The following STN1 variants were observed in gnomAD, a reference collection of about 807,000 sequenced individuals.
STN1 encodes the protein CST complex subunit STN1.
A neutral mutation model predicts 45.5 loss-of-function variants in STN1; 29 were observed. The observed-to-expected ratio is 0.64, with a 90% CI of 0.47 to 0.87. STN1 has a LOEUF of 0.87. Among genes scored for constraint, STN1 ranks in the 40% least tolerant of loss-of-function variants. The pLI, the probability that STN1 is intolerant of heterozygous loss-of-function variation, is 0.00. For synonymous variants in STN1, 148 were observed against 159.0 expected, an observed-to-expected ratio of 0.93 and a Z score of 0.52; for missense variants, 376 against 441.4, an observed-to-expected ratio of 0.85 and a Z score of 1.33.
rs148742259 is a variant in STN1, at chr10:103,912,309, T to C, written c.134-1687A>G. 1.3e-3 allele frequency among the ~76,000 whole-genome samples: 195 copies of C among 152,290 alleles called. 2 individuals are homozygous for C. Among genetic ancestry groups the C allele is most frequent in the African/African-American group, 4.5e-3 (185 of 41,560 alleles). On this transcript the variant is annotated intron_variant, in intron 2 of 9. Coordinates refer to ENST00000224950, the MANE Select transcript of STN1 (RefSeq NM_024928.5). ...TTGGCCTCCCAAAGCACTAGAATTA[T>C]AGGTGTGAGCCACTGCACCCAGGCC...
At chr10:103,889,190 C>T (rs1259056620) in intron 8 of STN1, 46 bp from the exon 9 acceptor site, 1 of 1,255,226 alleles carries the variant, frequency 8.0e-7, no homozygotes, top group East Asian at 2.3e-5. Context: ...TTAGGTAACA[C>T]AGCAGTTGTG....
chr10:103,892,101 G>A, intron 8 of STN1, 29 bp downstream of exon 8: 1 of 1,541,282 alleles, frequency 6.5e-7, no homozygotes, highest in East Asian at 2.3e-5. Context: ...AAGCTACAAA[G>A]AAAAAAAGTT....
At chr10:103,915,885 G>A (rs1222980043) in intron 2 of STN1, among the ~76,000 whole-genome samples, 2 of 151,994 alleles carry the variant, frequency 1.3e-5, no homozygotes, top group Non-Finnish European at 2.9e-5. Context: ...CCTAAGGAGT[G>A]TGCAACTAGA....
rs146264905 is a variant in STN1, at chr10:103,898,998, T to C, written c.460A>G (p.Lys154Glu). ...EREIHATTYYKVDDPVWNIQI... is the reference protein window; with the variant it reads ...EREIHATTYYEVDDPVWNIQI... ...ATGTTCCACACTGGGTCGTCCACTT[T>C]ATCTAACAAGTGACCAGAAAAAAGA... The change falls in exon 6 of 10, where the codon AAA (lysine) becomes GAA (glutamate). Residue 154 changes from lysine (K) to glutamate (E), a missense_variant and splice_region_variant. Transcript: ENST00000224950. 9.3e-6 allele frequency: 15 copies of C among 1,613,826 alleles called. No homozygotes were observed. The highest frequency in any genetic ancestry group is 1.2e-5 in the Non-Finnish European group (14 of 1,179,958).
Position 103,880,603 on chromosome 10 carries a change from A to G in STN1, c.*2081T>C, listed in dbSNP as rs1589494141. Among the ~76,000 whole-genome samples the G allele has an allele frequency of 6.6e-6, 1 of 152,230 alleles. No homozygotes were observed. Among genetic ancestry groups the G allele is most frequent in the Non-Finnish European group, 1.5e-5 (1 of 68,044 alleles). On this transcript the variant is annotated 3_prime_UTR_variant, in exon 10 of 10. Coordinates refer to ENST00000224950, the MANE Select transcript of STN1 (RefSeq NM_024928.5). ...AGATGTCCATTAGAGACCTAAGTGGAGATGTCAGTAGCAAACTGAATATAG... is the reference window on the plus strand; with the variant it reads ...AGATGTCCATTAGAGACCTAAGTGGGGATGTCAGTAGCAAACTGAATATAG...
chr10:103,900,891 T>C (rs1843206059), intron 4 of STN1, among the ~76,000 whole-genome samples: 1 of 152,344 alleles, frequency 6.6e-6, no homozygotes, highest in Admixed American at 6.5e-5. Context: ...GTAAGAAGAA[T>C]CGTCACGAAT....
chr10:103,892,436 C>T (rs544527053), intron 7 of STN1, among the ~76,000 whole-genome samples, 184 bp from the exon 8 acceptor site: 11 of 151,364 alleles, frequency 7.3e-5, no homozygotes, highest in Non-Finnish European at 1.3e-4. Context: ...AAGTGTGCCC[C>T]GGCAGGTCAC....
At chr10:103,905,222 A>G in intron 3 of STN1, 66 bp from the exon 4 acceptor site, 1 of 1,351,284 alleles carries the variant, frequency 7.4e-7, no homozygotes, top group South Asian at 1.2e-5. Flanking sequence ...GCATGCTGTC[A>G]TTGCATTCAG....
At chr10:103,901,769 GA>G (rs1407323055) in intron 4 of STN1, among the ~76,000 whole-genome samples, 2 of 152,002 alleles carry the variant, frequency 1.3e-5, no homozygotes, top group Non-Finnish European at 2.9e-5. Flanking sequence ...TCTTTCTTTG[GA>G]GATTATTACT....
In STN1 at chr10:103,910,584, CT is replaced by C; in HGVS notation, c.171del (p.Asp58MetfsTer9). On this transcript the variant is annotated frameshift_variant, in exon 3 of 10. Transcript: ENST00000224950. LOFTEE classifies it high-confidence loss of function. ...FLYNGHPIKQ[V>X]DVLGTVIGVR... ...ACTCCAATGACAGTTCCCAAGACAT[CT>C]ACCTGTTTTATTGGATGTCCATTGT... 6.2e-7 allele frequency: 1 copy of C among 1,611,088 alleles called. No individual in the cohort carries two copies. Among genetic ancestry groups the C allele is most frequent in the East Asian group, 2.2e-5 (1 of 44,862 alleles).
chr10:103,909,501 T>C (rs910689466), intron 3 of STN1, among the ~76,000 whole-genome samples: 1 of 55,552 alleles, frequency 1.8e-5, no homozygotes, highest in African/African-American at 6.4e-5. Context: ...TGTGTGTATA[T>C]GTATATATGT....
chr10:103,882,783 G>C lies in STN1; in HGVS notation c.1008C>G (p.Arg336=). ...HILACARLSI[R]PGLSEAVLQQ... ...GCAGCACAGCCTCGCTCAGGCCCGG[G>C]CGGATGCTCAGGCGAGCACAGGCCA... is the stretch of plus-strand genomic sequence containing the variant. Residue 336 remains arginine, a synonymous_variant, in exon 10 of 10, where the codon CGC becomes CGG. Coordinates refer to ENST00000224950, the MANE Select transcript of STN1 (RefSeq NM_024928.5). 6.2e-7 allele frequency: 1 copy of C among 1,614,220 alleles called. No homozygotes were observed. The highest frequency in any genetic ancestry group is 8.5e-7 in the Non-Finnish European group (1 of 1,180,042).
intron 9 of STN1, among the ~76,000 whole-genome samples, chr10:103,886,310 A>G (rs1843102762): frequency 6.6e-6 from 1 of 152,226 alleles, no homozygotes; most frequent in Admixed American, 6.5e-5. Flanking sequence ...ATCAAATAGG[A>G]GAATTTCTGC....
intron 2 of STN1, among the ~76,000 whole-genome samples, chr10:103,916,648 A>C (rs548117441): frequency 2.6e-5 from 4 of 152,212 alleles, no homozygotes; most frequent in Admixed American, 2.6e-4. Context: ...AGAAAGTTTA[A>C]CCAAACTTCT....
chr10:103,897,328 AG>A (rs1306420357), intron 7 of STN1, among the ~76,000 whole-genome samples: 2 of 150,790 alleles, frequency 1.3e-5, no homozygotes, highest in African/African-American at 4.9e-5. Context: ...AAAAAAGATT[AG>A]GTAAGGAGGA....
intron 7 of STN1, among the ~76,000 whole-genome samples, chr10:103,892,818 G>C (rs1040460776): frequency 6.6e-6 from 1 of 152,132 alleles, no homozygotes; most frequent in Non-Finnish European, 1.5e-5. Context: ...CACCTAGAAG[G>C]GACCTCTGCT....
intron 3 of STN1, among the ~76,000 whole-genome samples, chr10:103,909,985 T>A (rs967368414): frequency 6.6e-6 from 1 of 152,216 alleles, no homozygotes; most frequent in African/African-American, 2.4e-5. Context: ...GTCCAAAATA[T>A]AGAAACCCTT....
In STN1 at chr10:103,878,272, C is replaced by T. The variant is rs542816074; in HGVS notation, c.*4412G>A. 1.8e-4 allele frequency: 27 copies of T among 152,322 alleles called. No individual in the cohort carries two copies. The highest frequency in any genetic ancestry group is 6.5e-4 in the African/African-American group (27 of 41,568). The allele number at this position is 152,322 out of a possible 1,614,324, so 9.4% of individuals were successfully genotyped here. A position where few individuals can be genotyped will look rare whatever the true frequency, so the allele number is the denominator to read the frequency against. On this transcript the variant is annotated 3_prime_UTR_variant, in exon 10 of 10. Transcript: ENST00000224950. ...CACTAAGAGAACTGGAGAATGTTTG[C>T]TCAGTTTCCCTCCTTTTCAGGGGAA...
intron 8 of STN1, among the ~76,000 whole-genome samples, chr10:103,891,728 T>C (rs1307282064): frequency 6.6e-6 from 1 of 152,218 alleles, no homozygotes; most frequent in African/African-American, 2.4e-5. Flanking sequence ...TAGAAGGATA[T>C]ACAGTTATCT....
Sources: allele counts gnomAD v4.1 joint callset (sites outside exome capture counted in the v4.1 genomes callset), GRCh38; gene constraint gnomAD v4.1.1; transcripts MANE v1.5; gene names NCBI Gene and HGNC (gene_info 2026-07-23, HGNC 2026-07-21).